ZBTB7C: variants seen among roughly 807,000 people sequenced by gnomAD.
ZBTB7C encodes zinc finger and BTB domain containing 7C, also known as zinc finger and BTB domain-containing protein 7C.
ZBTB7C carries 8 observed loss-of-function variants against 25.7 expected under a neutral mutation model. The observed-to-expected ratio is 0.31, with a 90% CI of 0.18 to 0.56. The LOEUF (loss-of-function observed/expected upper bound fraction) is 0.56, where lower values mean the gene tolerates loss of function less well. ZBTB7C is among the 20% of genes least tolerant of loss of function. The pLI is 0.91. For synonymous variants in ZBTB7C, 394 were observed against 369.0 expected, an observed-to-expected ratio of 1.07 and a Z score of -0.78; for missense variants, 824 against 855.2, an observed-to-expected ratio of 0.96 and a Z score of 0.46.
At chr18:48,396,353 T>C (rs1599036889) in intron 1 of ZBTB7C, among the ~76,000 whole-genome samples, 1 of 152,280 alleles carries the variant, frequency 6.6e-6, no homozygotes, top group South Asian at 2.1e-4. Context: ...ATCAGAAGCA[T>C]TTTCCCTGCC....
chr18:48,301,116 G>T (rs942770120), intron 2 of ZBTB7C, among the ~76,000 whole-genome samples: 4 of 152,228 alleles, frequency 2.6e-5, no homozygotes, highest in African/African-American at 9.6e-5. Context: ...AGGGACAGAT[G>T]TTCAGCCAGA....
intron 3 of ZBTB7C, among the ~76,000 whole-genome samples, chr18:48,075,675 C>G (rs891015763): frequency 5.3e-5 from 8 of 152,146 alleles, no homozygotes; most frequent in Admixed American, 2.6e-4. Flanking sequence ...GGAGGAGGGG[C>G]AGGTGACTCC....
intron 3 of ZBTB7C, among the ~76,000 whole-genome samples, chr18:48,094,808 A>G (rs992410614): frequency 2.0e-5 from 3 of 152,166 alleles, no homozygotes; most frequent in Non-Finnish European, 4.4e-5. Flanking sequence ...CCCTGACCTC[A>G]TATCTGTTTC....
chr18:48,089,838 T>C (rs2038343671), intron 3 of ZBTB7C, among the ~76,000 whole-genome samples: 1 of 152,202 alleles, frequency 6.6e-6, no homozygotes, highest in Admixed American at 6.5e-5. Context: ...GCTTAATTAA[T>C]CAGACTCTGG....
intron 2 of ZBTB7C, among the ~76,000 whole-genome samples, chr18:48,234,583 A>T (rs968153510): frequency 2.6e-5 from 4 of 152,116 alleles, no homozygotes; most frequent in African/African-American, 9.7e-5. Context: ...CTCTTTCCAC[A>T]TCTTGCTTTT....
intron 3 of ZBTB7C, among the ~76,000 whole-genome samples, chr18:48,115,019 T>A (rs938829952): frequency 6.6e-6 from 1 of 152,244 alleles, no homozygotes; most frequent in Non-Finnish European, 1.5e-5. Context: ...TATGATCTAT[T>A]CCCAAAACTT....
chr18:48,060,639 T>C (rs1267349084), intron 3 of ZBTB7C, among the ~76,000 whole-genome samples: 1 of 152,122 alleles, frequency 6.6e-6, no homozygotes, highest in Non-Finnish European at 1.5e-5. Flanking sequence ...CTTCATTGGG[T>C]GAACTCTTGC....
rs553289579 is a variant in ZBTB7C at position 48,388,548 on chromosome 18, A to G, written c.-304+20678T>C. 5.3e-5 allele frequency among the ~76,000 whole-genome samples: 8 copies of G among 152,338 alleles called. No individual in the cohort carries two copies. The South Asian group carries it at 1.7e-3, about 32-fold the overall frequency. On this transcript the variant is annotated intron_variant, in intron 1 of 4. Transcript: ENST00000590800. ...CTCTCTTTTTTATAATGGGAAATTCATGAGAGAAGTTGGCTTTAGCAAACT... is the reference window on the plus strand; with the variant it reads ...CTCTCTTTTTTATAATGGGAAATTCGTGAGAGAAGTTGGCTTTAGCAAACT...
chr18:48,074,508 C>A (rs2037683286), intron 3 of ZBTB7C, among the ~76,000 whole-genome samples: 1 of 152,200 alleles, frequency 6.6e-6, no homozygotes, highest in South Asian at 2.1e-4. Context: ...CACTGGGCAC[C>A]AAGGGAACCA....
intron 3 of ZBTB7C, among the ~76,000 whole-genome samples, chr18:48,064,252 T>C (rs2037235680): frequency 6.6e-6 from 1 of 152,104 alleles, no homozygotes; most frequent in African/African-American, 2.4e-5. Context: ...CTAGGGGAGG[T>C]CTTAACAAGA....
In ZBTB7C at chr18:48,041,125, T is replaced by C. The variant is rs770625755; in HGVS notation, c.-16-2A>G. 1.3e-6 allele frequency: 2 copies of C among 1,577,122 alleles called. No individual in the cohort carries two copies. Among genetic ancestry groups the C allele is most frequent in the Admixed American group, 3.4e-5 (2 of 58,786 alleles). ...TTGGCCATGTTCTCAGCCAGAGCCC[T>C]GCAGAGACACACAGAGAAGAAGACT... On this transcript the variant is annotated splice_acceptor_variant, in intron 3 of 4. Coordinates refer to ENST00000590800, the MANE Select transcript of ZBTB7C (RefSeq NM_001318841.2). LOFTEE classifies it low-confidence loss of function (5UTR_SPLICE).
Position 48,040,441 on chromosome 18 carries a change from G to T in ZBTB7C, c.667C>A (p.Arg223=). The T allele has an allele frequency of 6.2e-7, 1 of 1,607,596 alleles. No homozygotes were observed. Among genetic ancestry groups the T allele is most frequent in the Non-Finnish European group, 8.5e-7 (1 of 1,176,654 alleles). ...AGCAGAGATTCGATGGAGAAGTCCC[G>T]GATCACCCCCAGATGGCCAGGACTG... is the stretch of plus-strand genomic sequence containing the variant. ...AGSPGHLGVI[R]DFSIESLLRE... Residue 223 remains arginine, a synonymous_variant, in exon 4 of 5, where the codon CGG becomes AGG. Transcript: ENST00000590800.
intron 3 of ZBTB7C, among the ~76,000 whole-genome samples, chr18:48,161,104 C>A (rs1363344757): frequency 6.8e-6 from 1 of 147,940 alleles, no homozygotes; most frequent in Non-Finnish European, 1.5e-5. Flanking sequence ...CTTGTGGGCC[C>A]TGGGTGCTTG....
intron 1 of ZBTB7C, among the ~76,000 whole-genome samples, chr18:48,358,452 T>C (rs997590826): frequency 1.3e-5 from 2 of 152,216 alleles, no homozygotes; most frequent in African/African-American, 2.4e-5. Context: ...TCCACCATGA[T>C]TGGAAGCTTC....
At chr18:48,214,526 TAAA>T (rs377206813) in intron 2 of ZBTB7C, among the ~76,000 whole-genome samples, 8 of 152,356 alleles carry the variant, frequency 5.3e-5, no homozygotes, top group African/African-American at 1.9e-4. Flanking sequence ...AGAAGCTGGT[TAAA>T]ACCTACCAAA....
rs530841458 is a variant in ZBTB7C at position 48,237,637 on chromosome 18, T to C, written c.-78-51642A>G. Among the ~76,000 whole-genome samples the C allele has an allele frequency of 4.0e-5, 6 of 150,894 alleles. No homozygotes were observed. The East Asian group carries it at 1.2e-3, about 31-fold the overall frequency. On this transcript the variant is annotated intron_variant, in intron 2 of 4. Coordinates refer to ENST00000590800, the MANE Select transcript of ZBTB7C (RefSeq NM_001318841.2). Reference sequence around the variant, plus strand: ...TATTCTTTGCTTCCTTGTGGGAGCATAGTTTGATATGACCACTTTGCAAAA... The same window carrying C: ...TATTCTTTGCTTCCTTGTGGGAGCACAGTTTGATATGACCACTTTGCAAAA...
At chr18:48,086,741 T>A (rs2038205581) in intron 3 of ZBTB7C, among the ~76,000 whole-genome samples, 1 of 152,218 alleles carries the variant, frequency 6.6e-6, no homozygotes. Context: ...TGCAGCAGGC[T>A]GAGCAGGCTT....
chr18:48,382,247 G>T (rs1270010386), intron 1 of ZBTB7C, among the ~76,000 whole-genome samples: 1 of 152,154 alleles, frequency 6.6e-6, no homozygotes, highest in Non-Finnish European at 1.5e-5. Flanking sequence ...AAATTCAGGA[G>T]AAAGAATGGA....
At chr18:48,216,690 G>A (rs548686907) in intron 2 of ZBTB7C, among the ~76,000 whole-genome samples, 4 of 151,980 alleles carry the variant, frequency 2.6e-5, no homozygotes, top group East Asian at 3.9e-4. Flanking sequence ...ACCCCGCTCC[G>A]TCAGCCCACA....
Sources: gnomAD v4.1 joint callset for allele counts (sites outside exome capture counted in the v4.1 genomes callset) on GRCh38, gnomAD v4.1.1 for gene constraint, MANE v1.5 for transcripts, NCBI Gene and HGNC (gene_info 2026-07-23, HGNC 2026-07-21) for gene names.